DLGAP4: variants seen among roughly 807,000 people sequenced by gnomAD.
The protein encoded by DLGAP4 is DLG associated protein 4, also known as disks large-associated protein 4.
A neutral mutation model predicts 86.9 loss-of-function variants in DLGAP4; 18 were observed. That is an observed-to-expected ratio of 0.21 (90% CI 0.14 to 0.31). The LOEUF (loss-of-function observed/expected upper bound fraction) is 0.31. DLGAP4 is among the 10% of genes least tolerant of loss of function. The pLI is 1.00. For missense variants in DLGAP4, 1,085 were observed against 1,362.6 expected (o/e 0.80, Z 3.21); for synonymous variants, 548 against 574.3 (o/e 0.95, Z 0.65).
At chr20:36,326,557 A>G (rs1362789020) in intron 1 of DLGAP4, among the ~76,000 whole-genome samples, 2 of 152,110 alleles carry the variant, frequency 1.3e-5, no homozygotes, top group East Asian at 1.9e-4. Context: ...TAAGCACAAC[A>G]CTACATTGTT....
At position 36,500,713 on chromosome 20, in the gene DLGAP4, A is replaced by T; in HGVS notation, c.2512+102A>T. On this transcript the variant is annotated intron_variant, in intron 10 of 12. Coordinates refer to ENST00000339266, the MANE Select transcript of DLGAP4 (RefSeq NM_001365621.2). The surrounding 1 kb of genome is among the most constrained non-coding windows in gnomAD (Gnocchi z 4.6). Reference sequence around the variant, plus strand: ...CCGAACTTCTGAGTGGGGGTCTCTTAGGTTCTCTTCTTGGGCTAGTTTTTG... The same window carrying T: ...CCGAACTTCTGAGTGGGGGTCTCTTTGGTTCTCTTCTTGGGCTAGTTTTTG... 8.5e-7 allele frequency: 1 copy of T among 1,178,224 alleles called. No individual in the cohort carries two copies. The highest frequency in any genetic ancestry group is 1.1e-6 in the Non-Finnish European group (1 of 891,290). The allele number at this position is 1,178,224 out of a possible 1,614,324, so 73.0% of individuals were successfully genotyped here.
intron 4 of DLGAP4, 52 bp downstream of exon 4, chr20:36,436,402 A>G: frequency 6.6e-7 from 1 of 1,516,704 alleles, no homozygotes; most frequent in Non-Finnish European, 8.8e-7. Context: ...AGCCCCGCCC[A>G]CTACGAGTCT....
intron 1 of DLGAP4, among the ~76,000 whole-genome samples, chr20:36,317,284 CTTTCTTTCTTATCTTTCTTT>C (rs1600393261): frequency 0.075 from 730 of 9,798 alleles, 31 homozygotes; most frequent in African/African-American, 0.19. Context: ...TCTTATCTTT[CTTTCTTTCTTATCTTTCTTT>C]CTTCCTTCCT....
intron 9 of DLGAP4, 35 bp downstream of exon 9, chr20:36,499,711 T>C: frequency 6.4e-7 from 1 of 1,562,050 alleles, no homozygotes; most frequent in Non-Finnish European, 8.8e-7. Context: ...GCTTCTCCCC[T>C]CTCCTCTCCC....
At chr20:36,440,138 T>G (rs373798857) in intron 5 of DLGAP4, among the ~76,000 whole-genome samples, 1 of 152,254 alleles carries the variant, frequency 6.6e-6, no homozygotes, top group Admixed American at 6.5e-5. Flanking sequence ...TCACTTCTCA[T>G]TGGGTTCAGA....
intron 7 of DLGAP4, among the ~76,000 whole-genome samples, chr20:36,496,022 G>A (rs567503719): frequency 2.8e-4 from 42 of 152,188 alleles, no homozygotes; most frequent in African/African-American, 9.6e-4. Context: ...ACAGGCATGC[G>A]CCACCACGCC....
intron 2 of DLGAP4, among the ~76,000 whole-genome samples, chr20:36,387,205 ATT>A (rs950571304): frequency 1.6e-4 from 24 of 152,202 alleles, no homozygotes; most frequent in African/African-American, 5.8e-4. Context: ...TCGCTCTTTA[ATT>A]TTGCCAATCT....
chr20:36,359,385 A>G (rs2030439970), intron 1 of DLGAP4, among the ~76,000 whole-genome samples: 1 of 152,220 alleles, frequency 6.6e-6, no homozygotes, highest in South Asian at 2.1e-4. Flanking sequence ...GAGAGTGCAG[A>G]TTAGAGCATT....
At chr20:36,329,385 T>C (rs2065246149) in intron 1 of DLGAP4, among the ~76,000 whole-genome samples, 2 of 152,240 alleles carry the variant, frequency 1.3e-5, no homozygotes, top group South Asian at 4.1e-4. Context: ...CATTTGCTTA[T>C]CTGTAAAATT....
chr20:36,470,143 C>T (rs2034596298), intron 7 of DLGAP4, among the ~76,000 whole-genome samples: 1 of 152,134 alleles, frequency 6.6e-6, no homozygotes, highest in African/African-American at 2.4e-5. Context: ...ACCTTCCTTC[C>T]CCTTCCCCTC....
chr20:36,444,154 G>A (rs2033528265), intron 6 of DLGAP4, among the ~76,000 whole-genome samples: 2 of 152,310 alleles, frequency 1.3e-5, no homozygotes. Context: ...CTCCTTCTGA[G>A]TGAATTTTGG....
intron 1 of DLGAP4, among the ~76,000 whole-genome samples, chr20:36,326,110 C>T (rs1791005371): frequency 6.6e-6 from 1 of 152,040 alleles, no homozygotes; most frequent in African/African-American, 2.4e-5. Flanking sequence ...TACTTTGTAC[C>T]TGTTCGTGTT....
intron 4 of DLGAP4, among the ~76,000 whole-genome samples, 159 bp from the exon 5 acceptor site, chr20:36,439,595 C>T (rs557803706): frequency 9.8e-5 from 15 of 152,324 alleles, no homozygotes; most frequent in Middle Eastern, 3.4e-3. Flanking sequence ...GGGCCAGCCT[C>T]GGGTTTTAAA....
At chr20:36,320,180 C>T in intron 1 of DLGAP4, among the ~76,000 whole-genome samples, 1 of 110,430 alleles carries the variant, frequency 9.1e-6, no homozygotes, top group Non-Finnish European at 1.9e-5. Flanking sequence ...AGGCCCCCCT[C>T]TGTGCCCCTC....
rs1352709656 is a variant in DLGAP4, at chr20:36,500,305, T to C, written c.2206T>C (p.Cys736Arg). Residue 736 changes from cysteine (C) to arginine (R), a missense_variant, in exon 10 of 13, where the codon TGT (cysteine) becomes CGT (arginine). Coordinates refer to ENST00000339266, the MANE Select transcript of DLGAP4 (RefSeq NM_001365621.2). This position sits in a 1 kb window ranked among gnomAD's most constrained non-coding sequence, Gnocchi z 4.6. ...GTCATCTGAGAGGAGCCTCCCGGAC[T>C]GTACCCCTCACCCCAACTCCATCAG... ...CKSSERSLPD[C>R]TPHPNSISID... 1.9e-6 allele frequency: 3 copies of C among 1,613,938 alleles called. No individual in the cohort carries two copies. The highest frequency in any genetic ancestry group is 1.1e-5 in the South Asian group (1 of 91,046).
intron 2 of DLGAP4, among the ~76,000 whole-genome samples, chr20:36,417,210 A>G (rs2032679900): frequency 6.6e-6 from 1 of 152,098 alleles, no homozygotes; most frequent in South Asian, 2.1e-4. Flanking sequence ...AGGGATCTAA[A>G]TCAATAGAGG....
chr20:36,455,419 G>A (rs2033854930), intron 7 of DLGAP4, among the ~76,000 whole-genome samples: 1 of 152,176 alleles, frequency 6.6e-6, no homozygotes. Flanking sequence ...GCTGCAGGGT[G>A]TACCCCCACT....
At chr20:36,510,439 AT>A (rs1284413942) in intron 10 of DLGAP4, among the ~76,000 whole-genome samples, 1 of 151,460 alleles carries the variant, frequency 6.6e-6, no homozygotes, top group African/African-American at 2.4e-5. Context: ...AATTTTTTGT[AT>A]TTTTAGTAGA....
At chr20:36,411,983 G>A (rs1044006278) in intron 2 of DLGAP4, among the ~76,000 whole-genome samples, 4 of 152,132 alleles carry the variant, frequency 2.6e-5, no homozygotes, top group Non-Finnish European at 5.9e-5. Flanking sequence ...TCTTCACTGG[G>A]CTGCACATCC....
Sources: allele counts gnomAD v4.1 joint callset (sites outside exome capture counted in the v4.1 genomes callset), GRCh38; gene constraint gnomAD v4.1.1; non-coding constraint Gnocchi (gnomAD v3.1); transcripts MANE v1.5; gene names NCBI Gene and HGNC (gene_info 2026-07-23, HGNC 2026-07-21).